ANKS1B: variants seen among roughly 807,000 people sequenced by gnomAD.
The protein encoded by ANKS1B is ankyrin repeat and sterile alpha motif domain-containing protein 1B.
ANKS1B carries 36 observed loss-of-function variants against 148.3 expected under a neutral mutation model. The observed-to-expected ratio is 0.24, with a 90% CI of 0.19 to 0.32. ANKS1B has a LOEUF of 0.32. Ranked by LOEUF, ANKS1B falls within the 10% of genes least tolerant of loss-of-function variation. The pLI, the probability that ANKS1B is intolerant of heterozygous loss-of-function variation, is 1.00. For missense variants in ANKS1B, 1,157 were observed against 1,542.6 expected, an observed-to-expected ratio of 0.75 and a Z score of 4.19; for synonymous variants, 542 against 560.8, an observed-to-expected ratio of 0.97 and a Z score of 0.47.
At chr12:99,915,312 A>C (rs927875276) in intron 1 of ANKS1B, among the ~76,000 whole-genome samples, 1 of 151,754 alleles carries the variant, frequency 6.6e-6, no homozygotes, top group Non-Finnish European at 1.5e-5. Flanking sequence ...CTATTCACCG[A>C]AAAAGTCAGC....
chr12:99,068,307 T>C (rs1479026480), intron 16 of ANKS1B, among the ~76,000 whole-genome samples: 1 of 152,172 alleles, frequency 6.6e-6, no homozygotes, highest in African/African-American at 2.4e-5. Context: ...ACAGTGTACT[T>C]ACGCAAACCT....
intron 8 of ANKS1B, among the ~76,000 whole-genome samples, chr12:99,745,184 G>GAAC (rs58771289): frequency 0.44 from 66,077 of 151,468 alleles, 14,779 homozygotes; most frequent in South Asian, 0.61. Context: ...TAAACAAAGA[G>GAAC]AATAAGGAAA....
intron 9 of ANKS1B, among the ~76,000 whole-genome samples, chr12:99,644,736 A>AT (rs2098342850): frequency 6.6e-6 from 1 of 152,190 alleles, no homozygotes; most frequent in Admixed American, 6.5e-5. Context: ...ACACAAATTT[A>AT]TTCTCTCATA....
chr12:99,386,792 G>T (rs1384430781), intron 12 of ANKS1B, among the ~76,000 whole-genome samples: 1 of 152,292 alleles, frequency 6.6e-6, no homozygotes, highest in African/African-American at 2.4e-5. Flanking sequence ...CATTAAAAAT[G>T]ACATATCTCC....
chr12:98,755,277 A>G (rs529299835), intron 25 of ANKS1B, among the ~76,000 whole-genome samples: 1 of 152,178 alleles, frequency 6.6e-6, no homozygotes, highest in Non-Finnish European at 1.5e-5. Flanking sequence ...AGGAGACTCT[A>G]CCGGGATGAG....
rs146664961 is a variant in ANKS1B at position 99,450,847 on chromosome 12, G to C, written c.1439-7038C>G. ...TGTATTTAATAATATGAAGAAAGCT[G>C]GTCTGGCTTTTATAATAATTCCATG... On this transcript the variant is annotated intron_variant, in intron 10 of 26. Coordinates refer to ENST00000683438, the MANE Select transcript of ANKS1B (RefSeq NM_001352186.2). Among the ~76,000 whole-genome samples the C allele has an allele frequency of 8.3e-3, 1,256 of 152,196 alleles. 6 individuals carry two copies. The highest frequency in any genetic ancestry group is 0.027 in the Middle Eastern group (8 of 294).
intron 9 of ANKS1B, among the ~76,000 whole-genome samples, chr12:99,640,109 T>C (rs1472588983): frequency 6.6e-6 from 1 of 152,036 alleles, no homozygotes; most frequent in African/African-American, 2.4e-5. Context: ...GAGGCAGAGG[T>C]TGCAGTGAGC....
At chr12:98,853,065 G>A (rs985129191) in intron 17 of ANKS1B, among the ~76,000 whole-genome samples, 1 of 152,206 alleles carries the variant, frequency 6.6e-6, no homozygotes, top group African/African-American at 2.4e-5. Flanking sequence ...TGTAAAAGAT[G>A]ACAGAAGCTG....
intron 12 of ANKS1B, among the ~76,000 whole-genome samples, chr12:99,254,406 A>C (rs1325965697): frequency 6.6e-6 from 1 of 152,204 alleles, no homozygotes; most frequent in African/African-American, 2.4e-5. Flanking sequence ...TGTACAGTAG[A>C]GTTGTTCAGA....
At chr12:99,306,995 T>G (rs576383425) in intron 12 of ANKS1B, among the ~76,000 whole-genome samples, 5 of 152,084 alleles carry the variant, frequency 3.3e-5, no homozygotes, top group Non-Finnish European at 5.9e-5. Flanking sequence ...ATCCACAACT[T>G]TGGAAAGTAC....
intron 22 of ANKS1B, among the ~76,000 whole-genome samples, chr12:98,793,154 A>T (rs972326670): frequency 6.6e-6 from 1 of 152,176 alleles, no homozygotes; most frequent in Non-Finnish European, 1.5e-5. Context: ...GATAATAGCC[A>T]TTCTAAATGG....
chr12:99,072,492 A>AT (rs1319607466), intron 16 of ANKS1B, among the ~76,000 whole-genome samples: 1 of 152,134 alleles, frequency 6.6e-6, no homozygotes, highest in Non-Finnish European at 1.5e-5. Flanking sequence ...CTAAACTGGG[A>AT]TTAAATTAGA....
intron 17 of ANKS1B, among the ~76,000 whole-genome samples, chr12:98,952,843 T>G (rs926114021): frequency 6.6e-6 from 1 of 152,176 alleles, no homozygotes; most frequent in Non-Finnish European, 1.5e-5. Flanking sequence ...AAGTTCAAAA[T>G]CATTGTTATC....
chr12:99,371,791 C>T lies in ANKS1B; in HGVS notation c.1756+27840G>A, dbSNP rs148078855. 4.6e-4 allele frequency among the ~76,000 whole-genome samples: 70 copies of T among 152,206 alleles called. 1 individual carries two copies. In the East Asian group the frequency reaches 0.012, roughly 26 times the overall value. On this transcript the variant is annotated intron_variant, in intron 12 of 26. Coordinates refer to ENST00000683438, the MANE Select transcript of ANKS1B (RefSeq NM_001352186.2). ...AAAACATTCCTGTGAAAAATATTTT[C>T]TTTCCACTTATAATGCAAAGGTAAA...
chr12:99,155,908 C>T (rs2075990559), intron 14 of ANKS1B, among the ~76,000 whole-genome samples: 1 of 152,158 alleles, frequency 6.6e-6, no homozygotes, highest in African/African-American at 2.4e-5. Flanking sequence ...CTTCTACTCA[C>T]TGCTCCAGCT....
chr12:98,887,959 C>T (rs2099743861), intron 17 of ANKS1B, among the ~76,000 whole-genome samples: 1 of 152,136 alleles, frequency 6.6e-6, no homozygotes, highest in Non-Finnish European at 1.5e-5. Context: ...TATGACTCCA[C>T]AGTTATAAAG....
intron 17 of ANKS1B, among the ~76,000 whole-genome samples, chr12:98,874,289 G>A (rs565628428): frequency 6.6e-6 from 1 of 151,918 alleles, no homozygotes; most frequent in African/African-American, 2.4e-5. Flanking sequence ...ATAAGAAGCC[G>A]AGCTTTATGA....
chr12:99,675,974 T>G (rs376584993), intron 8 of ANKS1B, among the ~76,000 whole-genome samples: 2 of 152,308 alleles, frequency 1.3e-5, no homozygotes, highest in East Asian at 1.9e-4. Context: ...AAATCTCATC[T>G]TGAATTGTAC....
intron 9 of ANKS1B, among the ~76,000 whole-genome samples, chr12:99,638,658 G>A (rs1567536414): frequency 6.6e-6 from 1 of 152,172 alleles, no homozygotes; most frequent in East Asian, 1.9e-4. Context: ...GAGAAATCAA[G>A]TGACTGCAGA....
Sources: gnomAD v4.1 joint callset for allele counts (sites outside exome capture counted in the v4.1 genomes callset) on GRCh38, gnomAD v4.1.1 for gene constraint, MANE v1.5 for transcripts, NCBI Gene and HGNC (gene_info 2026-07-23, HGNC 2026-07-21) for gene names.